Variants in CACNA2D1 observed in about 807,000 individuals in gnomAD.
The protein encoded by CACNA2D1 is voltage-dependent calcium channel subunit alpha-2/delta-1.
CACNA2D1 carries 53 observed loss-of-function variants against 171.5 expected under a neutral mutation model. That is an observed-to-expected ratio of 0.31 (90% CI 0.25 to 0.39). CACNA2D1 has a LOEUF of 0.39. Among genes scored for constraint, CACNA2D1 ranks in the 10% least tolerant of loss-of-function variants. The pLI, the probability that CACNA2D1 is intolerant of heterozygous loss-of-function variation, is 1.00. For missense variants in CACNA2D1, 903 were observed against 1,299.8 expected, an observed-to-expected ratio of 0.69 and a Z score of 4.69; for synonymous variants, 442 against 443.1, an observed-to-expected ratio of 1.00 and a Z score of 0.03.
intron 3 of CACNA2D1, among the ~76,000 whole-genome samples, chr7:82,282,805 C>A (rs1810290109): frequency 6.6e-6 from 1 of 151,934 alleles, no homozygotes; most frequent in Admixed American, 6.6e-5. Context: ...GATTTGTTTT[C>A]CTTTAGTTCA....
At chr7:82,080,701 C>T (rs1200230341) in intron 7 of CACNA2D1, among the ~76,000 whole-genome samples, 1 of 152,116 alleles carries the variant, frequency 6.6e-6, no homozygotes, top group African/African-American at 2.4e-5. Context: ...GAAAAGTGAC[C>T]TAAGGCCATC....
chr7:82,211,056 A>G (rs1800498189), intron 3 of CACNA2D1, among the ~76,000 whole-genome samples: 1 of 152,166 alleles, frequency 6.6e-6, no homozygotes, highest in African/African-American at 2.4e-5. Context: ...TATATAAAAC[A>G]TTATTGTTTA....
chr7:82,274,479 G>C (rs1809058984), intron 3 of CACNA2D1, among the ~76,000 whole-genome samples: 3 of 152,130 alleles, frequency 2.0e-5, no homozygotes, highest in Non-Finnish European at 2.9e-5. Context: ...GTGAGTCCTA[G>C]AGTGAATGCT....
At chr7:81,982,539 G>A in intron 24 of CACNA2D1, 28 bp downstream of exon 24, 1 of 1,333,598 alleles carries the variant, frequency 7.5e-7, no homozygotes, top group Non-Finnish European at 1.1e-6. Context: ...ACTGATAGAA[G>A]ATGTATCAAA....
chr7:81,961,309 GATAT>G (rs1794084892), intron 36 of CACNA2D1, among the ~76,000 whole-genome samples: 1 of 151,746 alleles, frequency 6.6e-6, no homozygotes, highest in South Asian at 2.1e-4. Context: ...CTTTTTAAAA[GATAT>G]TTTATGGATA....
chr7:82,212,257 G>A (rs1185800207), intron 3 of CACNA2D1, among the ~76,000 whole-genome samples: 3 of 152,100 alleles, frequency 2.0e-5, no homozygotes, highest in Admixed American at 6.5e-5. Flanking sequence ...AAAAATATGG[G>A]ATACCTAATT....
At chr7:82,249,048 G>A (rs777159842) in intron 3 of CACNA2D1, among the ~76,000 whole-genome samples, 16 of 151,790 alleles carry the variant, frequency 1.1e-4, no homozygotes, top group South Asian at 6.3e-4. Flanking sequence ...CCTGGAAAGC[G>A]GAGTTTGCAG....
chr7:81,990,203 T>C (rs1797402998), intron 21 of CACNA2D1, among the ~76,000 whole-genome samples: 1 of 152,180 alleles, frequency 6.6e-6, no homozygotes, highest in South Asian at 2.1e-4. Context: ...AAACTGTCTA[T>C]TACAAGCCCG....
chr7:82,409,637 T>C (rs1585860046), intron 1 of CACNA2D1, among the ~76,000 whole-genome samples: 1 of 152,168 alleles, frequency 6.6e-6, no homozygotes, highest in Admixed American at 6.5e-5. Context: ...GCGATTCAAA[T>C]GTGTATCTGT....
intron 4 of CACNA2D1, among the ~76,000 whole-genome samples, chr7:82,146,964 G>T (rs1793199331): frequency 8.7e-6 from 1 of 114,886 alleles, no homozygotes; most frequent in Non-Finnish European, 1.7e-5. Context: ...CAGCCTGGGT[G>T]ATAGCAAGAC....
intron 11 of CACNA2D1, among the ~76,000 whole-genome samples, chr7:82,033,930 G>A (rs571486062): frequency 6.6e-6 from 1 of 152,180 alleles, no homozygotes; most frequent in South Asian, 2.1e-4. Flanking sequence ...TAGGTTCAGT[G>A]CTGTCCAAAA....
intron 3 of CACNA2D1, among the ~76,000 whole-genome samples, chr7:82,299,596 G>T (rs111493438): frequency 6.6e-6 from 1 of 151,116 alleles, no homozygotes; most frequent in Admixed American, 6.6e-5. Flanking sequence ...GGAGGCGGAG[G>T]TTACACTGAG....
At chr7:82,404,297 C>T (rs117071573) in intron 1 of CACNA2D1, among the ~76,000 whole-genome samples, 1,776 of 152,186 alleles carry the variant, frequency 0.012, 25 homozygotes, top group Non-Finnish European at 0.02. Context: ...CAAGAGGGCA[C>T]GGCAGGAACA....
intron 5 of CACNA2D1, among the ~76,000 whole-genome samples, chr7:82,128,415 G>A (rs558781071): frequency 5.0e-4 from 76 of 152,230 alleles, no homozygotes; most frequent in South Asian, 4.1e-3. Context: ...CTAAGTGGAG[G>A]AACGTAGATA....
At chr7:82,354,395 G>A (rs950176910) in intron 1 of CACNA2D1, among the ~76,000 whole-genome samples, 2 of 152,148 alleles carry the variant, frequency 1.3e-5, no homozygotes, top group African/African-American at 4.8e-5. Context: ...ACATGAGAAT[G>A]TGGAAGTGGG....
At chr7:82,280,213 G>A (rs1809902935) in intron 3 of CACNA2D1, among the ~76,000 whole-genome samples, 1 of 152,120 alleles carries the variant, frequency 6.6e-6, no homozygotes, top group African/African-American at 2.4e-5. Context: ...GATTTGGCTA[G>A]TTTCCATTTC....
intron 7 of CACNA2D1, among the ~76,000 whole-genome samples, chr7:82,074,903 T>C (rs1369018188): frequency 6.6e-6 from 1 of 152,164 alleles, no homozygotes; most frequent in African/African-American, 2.4e-5. Flanking sequence ...GGGGTACTTG[T>C]GCACAATGTG....
intron 5 of CACNA2D1, among the ~76,000 whole-genome samples, chr7:82,127,721 T>G (rs1314211339): frequency 1.3e-5 from 2 of 152,148 alleles, no homozygotes; most frequent in South Asian, 4.1e-4. Context: ...GTAAAGCACT[T>G]GATTGGAGGA....
rs1585947662 is a variant in CACNA2D1, at chr7:82,433,315, G to A, written c.95+10050C>T. 2.6e-5 allele frequency among the ~76,000 whole-genome samples: 4 copies of A among 152,252 alleles called. No homozygotes were observed. In the South Asian group the frequency reaches 6.2e-4, roughly 24 times the overall value. On this transcript the variant is annotated intron_variant, in intron 1 of 38. Transcript: ENST00000356860. ...GAACCAAATGTTGCTGTGTCCAAAG[G>A]TAATATAGTGGCAAACTGGAGTCTT...
Sources: allele counts gnomAD v4.1 joint callset (sites outside exome capture counted in the v4.1 genomes callset), GRCh38; gene constraint gnomAD v4.1.1; transcripts MANE v1.5; gene names NCBI Gene and HGNC (gene_info 2026-07-23, HGNC 2026-07-21).